SUDS3: variants seen among roughly 807,000 people sequenced by gnomAD.
The protein encoded by SUDS3 is SIN3A corepressor complex component SDS3.
In SUDS3, 23 loss-of-function variants were observed where a neutral mutation model predicts 53.5. The observed-to-expected ratio is 0.43, with a 90% CI of 0.31 to 0.61. The LOEUF is 0.61. Among genes scored for constraint, SUDS3 ranks in the 20% least tolerant of loss-of-function variants. SUDS3 has a pLI of 0.10. For missense variants in SUDS3, 291 were observed against 405.9 expected (o/e 0.72, Z 2.43); for synonymous variants, 150 against 148.5 (o/e 1.01, Z -0.08).
Position 118,403,471 on chromosome 12 carries a change from T to C in SUDS3, c.757T>C (p.Phe253Leu). 1 of 1,613,544 alleles carries C rather than the reference T, an allele frequency of 6.2e-7. No individual in the cohort carries two copies. The highest frequency in any genetic ancestry group is 1.1e-5 in the South Asian group (1 of 90,928). The change falls in exon 10 of 12, where the codon TTC (phenylalanine) becomes CTC (leucine). Residue 253 changes from phenylalanine to leucine, a missense_variant. Physicochemically the swap from Phe to Leu is conservative, Grantham distance 22. This residue lies in a region of SUDS3 where 77 missense variants were observed against 87.1 expected (regional missense o/e 0.88). Transcript: ENST00000543473. ...ATPAESPAQR[F>L]EARIEDGKLY... ...ACCCGCGGAATCTCCAGCCCAGAGG[T>C]TCGAAGCTCGGATAGAAGATGGCAA...
At position 118,380,143 on chromosome 12, in the gene SUDS3, A is replaced by G. The variant is rs1479502731; in HGVS notation, c.143-19A>G. 1 of 1,596,326 alleles carries G rather than the reference A, an allele frequency of 6.3e-7. No individual in the cohort carries two copies. Among genetic ancestry groups the G allele is most frequent in the Admixed American group, 1.7e-5 (1 of 57,552 alleles). ...TGAATTATGATTTTAACTAGCCCCT[A>G]TTTCCTAACTTTATTCAGACACTGA... On this transcript the variant is annotated intron_variant, in intron 1 of 11. Coordinates refer to ENST00000543473, the MANE Select transcript of SUDS3 (RefSeq NM_022491.3).
chr12:118,417,380 T>G lies in SUDS3; in HGVS notation c.*2947T>G, dbSNP rs940676253. ...TTGACTGTATTTTTTAACCTAATTC[T>G]GGAGAGAAGATTGTATTTTTTACAG... On this transcript the variant is annotated 3_prime_UTR_variant, in exon 12 of 12. Transcript: ENST00000543473. 6.6e-6 allele frequency: 1 copy of G among 152,190 alleles called. No individual in the cohort carries two copies. Among genetic ancestry groups the G allele is most frequent in the Non-Finnish European group, 1.5e-5 (1 of 68,030 alleles). The allele number at this position is 152,190 out of a possible 1,614,324, so 9.4% of individuals were successfully genotyped here. A position where few individuals can be genotyped will look rare whatever the true frequency, so the allele number is the denominator to read the frequency against.
intron 11 of SUDS3, among the ~76,000 whole-genome samples, chr12:118,411,708 G>A (rs1323057863): frequency 1.3e-5 from 2 of 151,792 alleles, no homozygotes; most frequent in Admixed American, 6.6e-5. Flanking sequence ...TCACCACGTT[G>A]GTCAGGCTGG....
At position 118,410,934 on chromosome 12, in the gene SUDS3, T is replaced by C; in HGVS notation, c.804-139T>C. 6 of 734,294 alleles carry C rather than the reference T, an allele frequency of 8.2e-6. No individual in the cohort carries two copies. In the South Asian group the frequency reaches 8.4e-5, roughly 10 times the overall value. 45.5% of individuals were successfully genotyped at this position (734,294 alleles called of 1,614,324 possible). The stretch of plus-strand genomic sequence containing the variant: ...CCTTTAAATTAAGCTAAATGGGAAA[T>C]CCAGGCTATTCCTCAAATGTGAATT... On this transcript the variant is annotated intron_variant, in intron 10 of 11. Transcript: ENST00000543473.
chr12:118,382,702 C>G (rs1380227381), intron 2 of SUDS3, among the ~76,000 whole-genome samples: 1 of 140,964 alleles, frequency 7.1e-6, no homozygotes, highest in Admixed American at 7.1e-5. Context: ...GGGTCTTGCT[C>G]TGTCGCCCAG....
At chr12:118,382,841 TTTTTTAAG>T (rs1566196543) in intron 2 of SUDS3, among the ~76,000 whole-genome samples, 1 of 150,946 alleles carries the variant, frequency 6.6e-6, no homozygotes, top group Non-Finnish European at 1.5e-5. Context: ...CTAATTTTTT[TTTTTTAAG>T]TAGAGACAGG....
At chr12:118,395,558 A>G (rs1010086200) in intron 6 of SUDS3, among the ~76,000 whole-genome samples, 1 of 151,920 alleles carries the variant, frequency 6.6e-6, no homozygotes, top group Non-Finnish European at 1.5e-5. Flanking sequence ...TTGAGGGTGC[A>G]GAGAGGAAGG....
At position 118,403,493 on chromosome 12, in the gene SUDS3, G is replaced by A. The variant is rs370306899; in HGVS notation, c.779G>A (p.Gly260Asp). 1.2e-6 allele frequency: 2 copies of A among 1,613,232 alleles called. No individual in the cohort carries two copies. Among genetic ancestry groups the A allele is most frequent in the Non-Finnish European group, 1.7e-6 (2 of 1,179,594 alleles). The stretch of plus-strand genomic sequence containing the variant: ...AGGTTCGAAGCTCGGATAGAAGATG[G>A]CAAACTGTACTATGACAAAAGATGG... ...AQRFEARIED[G>D]KLYYDKRWYH... The change falls in exon 10 of 12, where the codon GGC (glycine) becomes GAC (aspartate). Residue 260 changes from glycine (G) to aspartate (D), a missense_variant. Gly to Asp is a moderately conservative substitution (Grantham distance 94). Transcript: ENST00000543473.
At chr12:118,405,334 T>A (rs1284017261) in intron 10 of SUDS3, among the ~76,000 whole-genome samples, 1 of 152,234 alleles carries the variant, frequency 6.6e-6, no homozygotes, top group African/African-American at 2.4e-5. Context: ...TCTTCCTCTT[T>A]CTAAGCTTAA....
chr12:118,382,263 G>A (rs148638328), intron 2 of SUDS3, among the ~76,000 whole-genome samples: 5 of 152,056 alleles, frequency 3.3e-5, no homozygotes, highest in Non-Finnish European at 1.5e-5. Context: ...GGCCAGGCTG[G>A]TCTTGAACTC....
intron 6 of SUDS3, among the ~76,000 whole-genome samples, chr12:118,393,169 C>T (rs935542063): frequency 3.9e-5 from 6 of 152,088 alleles, no homozygotes; most frequent in Non-Finnish European, 7.4e-5. Flanking sequence ...CCACAGATGG[C>T]GCTGCTATGG....
At chr12:118,392,577 G>A (rs2046177068) in intron 6 of SUDS3, among the ~76,000 whole-genome samples, 1 of 152,248 alleles carries the variant, frequency 6.6e-6, no homozygotes, top group Admixed American at 6.5e-5. Context: ...GCTTCAGGCA[G>A]TATAGTCTTG....
At chr12:118,380,830 G>T (rs2046051577) in intron 2 of SUDS3, among the ~76,000 whole-genome samples, 1 of 151,732 alleles carries the variant, frequency 6.6e-6, no homozygotes, top group African/African-American at 2.4e-5. Flanking sequence ...TCAGCCTCCT[G>T]AGTAGCTGGG....
intron 9 of SUDS3, 100 bp from the exon 10 acceptor site, chr12:118,403,312 T>G (rs1380628480): frequency 1.1e-6 from 1 of 910,064 alleles, no homozygotes; most frequent in Non-Finnish European, 1.8e-6. Context: ...CAGTGATGAT[T>G]ATTACCACAT....
At chr12:118,412,560 C>T (rs995230698) in intron 11 of SUDS3, among the ~76,000 whole-genome samples, 1 of 152,172 alleles carries the variant, frequency 6.6e-6, no homozygotes, top group Non-Finnish European at 1.5e-5. Context: ...AGAACCAGAA[C>T]AGGGAAGCTA....
In SUDS3 at chr12:118,417,061, T is replaced by G. The variant is rs1385375645; in HGVS notation, c.*2628T>G. ...ACCTCTGCTTGGGGGTTTTGTGTGT[T>G]CCCCTCCCCCCATGCCCTGCCTACC... On this transcript the variant is annotated 3_prime_UTR_variant, in exon 12 of 12. Transcript: ENST00000543473. The G allele has an allele frequency of 1.3e-5, 2 of 152,188 alleles. No individual in the cohort carries two copies. Among genetic ancestry groups the G allele is most frequent in the African/African-American group, 2.4e-5 (1 of 41,446 alleles). 9.4% of individuals were successfully genotyped at this position (152,188 alleles called of 1,614,324 possible).
chr12:118,401,438 T>C (rs1566205986), intron 7 of SUDS3, among the ~76,000 whole-genome samples: 1 of 152,214 alleles, frequency 6.6e-6, no homozygotes. Flanking sequence ...TGGAAGTCTT[T>C]AGATCTTTGG....
At position 118,386,097 on chromosome 12, in the gene SUDS3, C is replaced by G. The variant is rs781687869; in HGVS notation, c.269-17C>G. Reference sequence around the variant, plus strand: ...TTATATTCACAATAATTTTATTTTTCAAATGTTCAAAATCAGGTACATTAC... The same window carrying G: ...TTATATTCACAATAATTTTATTTTTGAAATGTTCAAAATCAGGTACATTAC... On this transcript the variant is annotated splice_polypyrimidine_tract_variant and intron_variant, in intron 3 of 11. Transcript: ENST00000543473. 2 of 1,557,362 alleles carry G rather than the reference C, an allele frequency of 1.3e-6. No homozygotes were observed. Among genetic ancestry groups the G allele is most frequent in the Non-Finnish European group, 1.7e-6 (2 of 1,145,768 alleles).
Position 118,416,832 on chromosome 12 carries a change from A to G in SUDS3, c.*2399A>G, listed in dbSNP as rs2046405200. 6.6e-6 allele frequency: 1 copy of G among 152,200 alleles called. No individual in the cohort carries two copies. The highest frequency in any genetic ancestry group is 6.5e-5 in the Admixed American group (1 of 15,280). 9.4% of individuals were successfully genotyped at this position (152,200 alleles called of 1,614,324 possible). A position where few individuals can be genotyped will look rare whatever the true frequency, so the allele number is the denominator to read the frequency against. On this transcript the variant is annotated 3_prime_UTR_variant, in exon 12 of 12. Coordinates refer to ENST00000543473, the MANE Select transcript of SUDS3 (RefSeq NM_022491.3). ...AGGCTAGCTTCTAGCCTGGGTGGCC[A>G]TTATTCCAAAAGGTCATTGTTTCTC...
Sources: allele counts gnomAD v4.1 joint callset (sites outside exome capture counted in the v4.1 genomes callset), GRCh38; gene constraint gnomAD v4.1.1; regional missense constraint gnomAD v4.1.1; transcripts MANE v1.5; gene names NCBI Gene and HGNC (gene_info 2026-07-23, HGNC 2026-07-21).